NRG1: variants seen among roughly 807,000 people sequenced by gnomAD.
NRG1 encodes neuregulin 1.
A neutral mutation model predicts 63.8 loss-of-function variants in NRG1; 18 were observed. The observed-to-expected ratio is 0.28, with a 90% CI of 0.19 to 0.42. The LOEUF (loss-of-function observed/expected upper bound fraction) is 0.42. Among genes scored for constraint, NRG1 ranks in the 10% least tolerant of loss-of-function variants. The probability of loss-of-function intolerance (pLI) is 1.00; values close to 1 mark genes in which losing one functional copy is unlikely to be tolerated. For missense variants in NRG1, 762 were observed against 814.7 expected (o/e 0.94, Z 0.79); for synonymous variants, 302 against 301.3 (o/e 1.00, Z -0.02).
intron 1 of NRG1, among the ~76,000 whole-genome samples, chr8:32,105,631 G>GT (rs1039585613): frequency 5.3e-5 from 8 of 152,002 alleles, no homozygotes; most frequent in Non-Finnish European, 7.4e-5. Context: ...CAGTTGAATA[G>GT]TTTTTTTTAA....
intron 1 of NRG1, among the ~76,000 whole-genome samples, chr8:32,067,770 T>C (rs767188852): frequency 6.6e-6 from 1 of 152,220 alleles, no homozygotes; most frequent in Non-Finnish European, 1.5e-5. Flanking sequence ...CTATGTCTTA[T>C]ATATTATCCA....
intron 1 of NRG1, among the ~76,000 whole-genome samples, chr8:31,759,833 C>G (rs1039055615): frequency 6.6e-6 from 1 of 152,032 alleles, no homozygotes; most frequent in African/African-American, 2.4e-5. Context: ...AGTTTTGCAA[C>G]CCGTGAGTCT....
chr8:32,624,472 C>A (rs1405778369), intron 5 of NRG1, among the ~76,000 whole-genome samples: 1 of 151,832 alleles, frequency 6.6e-6, no homozygotes, highest in African/African-American at 2.4e-5. Flanking sequence ...AAGCAAACAA[C>A]CTTAGAAAAA....
At chr8:31,725,234 T>C (rs1813307732) in intron 1 of NRG1, among the ~76,000 whole-genome samples, 1 of 152,212 alleles carries the variant, frequency 6.6e-6, no homozygotes, top group Non-Finnish European at 1.5e-5. Flanking sequence ...GATTAGGATA[T>C]GATGCTGATG....
intron 1 of NRG1, among the ~76,000 whole-genome samples, chr8:32,413,287 A>G (rs957660928): frequency 2.6e-4 from 40 of 152,344 alleles, no homozygotes; most frequent in African/African-American, 9.4e-4. Context: ...CTTCATTACA[A>G]ACCATGCCCT....
chr8:32,419,540 A>G (rs1481880958), intron 1 of NRG1, among the ~76,000 whole-genome samples: 1 of 152,200 alleles, frequency 6.6e-6, no homozygotes, highest in Non-Finnish European at 1.5e-5. Flanking sequence ...AAGTCTTTAA[A>G]TACCCTTAGA....
At chr8:32,289,000 C>T (rs1352868980) in intron 1 of NRG1, among the ~76,000 whole-genome samples, 1 of 152,208 alleles carries the variant, frequency 6.6e-6, no homozygotes, top group African/African-American at 2.4e-5. Context: ...AACTGGCTAA[C>T]TGCACTTGCT....
intron 1 of NRG1, chr8:32,442,534 G>A (rs1365072080): frequency 3.3e-5 from 5 of 152,216 alleles, no homozygotes; most frequent in Admixed American, 2.6e-4. Flanking sequence ...AGGCTTGCAA[G>A]AGAAAACCAA....
chr8:31,771,190 C>G (rs1259442668), intron 1 of NRG1, among the ~76,000 whole-genome samples: 1 of 152,134 alleles, frequency 6.6e-6, no homozygotes, highest in Non-Finnish European at 1.5e-5. Context: ...AGCCACTAAT[C>G]TCCATCATTA....
At chr8:32,707,501 G>A (rs754089915) in intron 5 of NRG1, among the ~76,000 whole-genome samples, 10 of 152,010 alleles carry the variant, frequency 6.6e-5, no homozygotes. Context: ...GAAATAAACT[G>A]TTACCTTTAA....
At chr8:32,579,086 T>C (rs966976964) in intron 1 of NRG1, among the ~76,000 whole-genome samples, 3 of 152,114 alleles carry the variant, frequency 2.0e-5, no homozygotes, top group Admixed American at 6.5e-5. Flanking sequence ...TTTGTTTTGT[T>C]ACCTTAACTG....
intron 1 of NRG1, among the ~76,000 whole-genome samples, chr8:32,537,818 C>T (rs1050724925): frequency 6.6e-6 from 1 of 152,112 alleles, no homozygotes; most frequent in Admixed American, 6.6e-5. Flanking sequence ...TTTTCAAGGA[C>T]AGGCTTCTCC....
chr8:31,838,214 T>C (rs118168548), intron 1 of NRG1, among the ~76,000 whole-genome samples: 21,528 of 152,060 alleles, frequency 0.14, 1,990 homozygotes, highest in Non-Finnish European at 0.19. Flanking sequence ...TCCATCTTTT[T>C]CCCAGTTATT....
intron 5 of NRG1, among the ~76,000 whole-genome samples, chr8:32,706,069 T>C (rs1816325939): frequency 6.6e-6 from 1 of 152,326 alleles, no homozygotes; most frequent in Non-Finnish European, 1.5e-5. Flanking sequence ...AAAGATGATC[T>C]AGCAAATGAG....
At chr8:32,322,355 T>TATATATATATA in intron 1 of NRG1, among the ~76,000 whole-genome samples, 1 of 142,664 alleles carries the variant, frequency 7.0e-6, no homozygotes, top group African/African-American at 2.6e-5. Context: ...CAACCTTATT[T>TATATATATATA]TATATATATA....
At chr8:32,732,070 G>A (rs1043725637) in intron 6 of NRG1, among the ~76,000 whole-genome samples, 7 of 152,220 alleles carry the variant, frequency 4.6e-5, no homozygotes, top group African/African-American at 1.7e-4. Context: ...CATATTAACA[G>A]TGAAAAACTT....
chr8:32,213,012 C>A (rs757681087), intron 1 of NRG1, among the ~76,000 whole-genome samples: 4 of 152,138 alleles, frequency 2.6e-5, no homozygotes, highest in Admixed American at 2.6e-4. Flanking sequence ...CCCTAAACTC[C>A]TTTTTACCTT....
At chr8:31,823,032 G>T (rs139093519) in intron 1 of NRG1, among the ~76,000 whole-genome samples, 20 of 151,474 alleles carry the variant, frequency 1.3e-4, no homozygotes, top group Non-Finnish European at 2.7e-4. Flanking sequence ...AGCCAGCAGA[G>T]ATGGAACCCT....
intron 1 of NRG1, among the ~76,000 whole-genome samples, chr8:32,307,108 C>T (rs1856275377): frequency 6.6e-6 from 1 of 152,074 alleles, no homozygotes. Flanking sequence ...TTAAACCGCC[C>T]ATGTGTAGTC....
Sources: allele counts gnomAD v4.1 joint callset (sites outside exome capture counted in the v4.1 genomes callset), GRCh38; gene constraint gnomAD v4.1.1; transcripts MANE v1.5; gene names NCBI Gene and HGNC (gene_info 2026-07-23, HGNC 2026-07-21).